Variants in CDH20 observed in about 807,000 individuals in gnomAD.
The protein encoded by CDH20 is cadherin-20.
In CDH20, 29 loss-of-function variants were observed where a neutral mutation model predicts 74.2. That is an observed-to-expected ratio of 0.39 (90% CI 0.29 to 0.53). The LOEUF is 0.53. CDH20 is among the 20% of genes least tolerant of loss of function. CDH20 has a pLI of 0.69. For missense variants in CDH20, 988 were observed against 1,048.3 expected, an observed-to-expected ratio of 0.94 and a Z score of 0.79; for synonymous variants, 469 against 405.4, an observed-to-expected ratio of 1.16 and a Z score of -1.88.
intron 1 of CDH20, among the ~76,000 whole-genome samples, chr18:61,416,121 T>C (rs1367166370): frequency 6.6e-6 from 1 of 152,172 alleles, no homozygotes; most frequent in South Asian, 2.1e-4. Context: ...TGGGCCTCTA[T>C]AGTAACTGCA....
chr18:61,391,810 T>A (rs539225643), intron 1 of CDH20: 3 of 151,706 alleles, frequency 2.0e-5, no homozygotes, highest in South Asian at 2.1e-4. Context: ...CAGGCAAAAA[T>A]TTTAAAAAAA....
At chr18:61,374,677 T>G (rs1911154730) in intron 1 of CDH20, among the ~76,000 whole-genome samples, 1 of 152,138 alleles carries the variant, frequency 6.6e-6, no homozygotes, top group South Asian at 2.1e-4. Flanking sequence ...TTCAGAGTTT[T>G]TAGATTCTTA....
intron 2 of CDH20, among the ~76,000 whole-genome samples, chr18:61,493,579 T>C (rs1911033974): frequency 6.6e-6 from 1 of 152,200 alleles, no homozygotes; most frequent in South Asian, 2.1e-4. Flanking sequence ...CATACCACGT[T>C]TGTCCCTGAC....
At position 61,555,123 on chromosome 18, in the gene CDH20, T is replaced by A. The variant is rs189799622; in HGVS notation, c.*428T>A. ...TTTTTATCTTATCTTATTCTCCATT[T>A]AAGAGTTTTGCTGGCTCAAACCACA... is the stretch of plus-strand genomic sequence containing the variant. On this transcript the variant is annotated 3_prime_UTR_variant, in exon 12 of 12. Coordinates refer to ENST00000262717, the MANE Select transcript of CDH20 (RefSeq NM_031891.4). 37 of 999,932 alleles carry A rather than the reference T, an allele frequency of 3.7e-5. No homozygotes were observed. The East Asian group carries it at 3.9e-3, about 106-fold the overall frequency. 61.9% of individuals were successfully genotyped at this position (999,932 alleles called of 1,614,324 possible).
At chr18:61,522,096 G>A (rs766935723) in intron 6 of CDH20, among the ~76,000 whole-genome samples, 1 of 152,154 alleles carries the variant, frequency 6.6e-6, no homozygotes, top group Non-Finnish European at 1.5e-5. Context: ...AAGAAATAAA[G>A]GGTATTTGAA....
At chr18:61,482,485 T>C (rs1217926061) in intron 1 of CDH20, among the ~76,000 whole-genome samples, 1 of 152,164 alleles carries the variant, frequency 6.6e-6, no homozygotes, top group African/African-American at 2.4e-5. Context: ...TTGGTTGAAG[T>C]TCTCCTTACC....
chr18:61,511,301 C>T (rs559021664), intron 6 of CDH20, among the ~76,000 whole-genome samples: 48 of 151,732 alleles, frequency 3.2e-4, no homozygotes, highest in Non-Finnish European at 6.2e-4. Flanking sequence ...GAGGTCAAGG[C>T]TGCAGTGAGC....
At chr18:61,544,511 A>G (rs889779301) in intron 9 of CDH20, among the ~76,000 whole-genome samples, 2 of 152,186 alleles carry the variant, frequency 1.3e-5, no homozygotes, top group African/African-American at 4.8e-5. Context: ...AGTTAAATGG[A>G]TGGGAAGCCA....
intron 1 of CDH20, among the ~76,000 whole-genome samples, chr18:61,484,721 T>A (rs1444107267): frequency 6.7e-6 from 1 of 149,660 alleles, no homozygotes; most frequent in Non-Finnish European, 1.5e-5. Flanking sequence ...TTTCTACCAA[T>A]TTTTTTTGCT....
chr18:61,430,744 G>T (rs753438427), intron 1 of CDH20, among the ~76,000 whole-genome samples: 77 of 151,894 alleles, frequency 5.1e-4, no homozygotes, highest in Non-Finnish European at 9.0e-4. Context: ...TTGGCCCTTG[G>T]GAGCTCTTCC....
Position 61,537,498 on chromosome 18 carries a change from ATGCTTTCAAAACATATT to A in CDH20, c.1408+870_1408+886del, listed in dbSNP as rs1367181072. Among the ~76,000 whole-genome samples, 4 of 152,244 alleles carry A rather than the reference ATGCTTTCAAAACATATT, an allele frequency of 2.6e-5. No homozygotes were observed. In the East Asian group the frequency reaches 7.7e-4, roughly 29 times the overall value. On this transcript the variant is annotated intron_variant, in intron 8 of 11. Transcript: ENST00000262717. ...ATAGTAAAATGACAATATAATACAG[ATGCTTTCAAAACATATT>A]CAATGACAAAGGATAACCTTACCCT...
intron 1 of CDH20, among the ~76,000 whole-genome samples, chr18:61,369,963 A>G (rs1166912819): frequency 6.6e-6 from 1 of 152,082 alleles, no homozygotes; most frequent in Non-Finnish European, 1.5e-5. Context: ...ACTAATGGGT[A>G]CCAGGCTTAA....
intron 1 of CDH20, among the ~76,000 whole-genome samples, chr18:61,400,331 G>A (rs1912116105): frequency 6.6e-6 from 1 of 152,194 alleles, no homozygotes; most frequent in Non-Finnish European, 1.5e-5. Flanking sequence ...ACAGAGCAAG[G>A]CAAAGTAGAT....
intron 9 of CDH20, among the ~76,000 whole-genome samples, chr18:61,541,654 A>G (rs1316843915): frequency 6.6e-6 from 1 of 152,136 alleles, no homozygotes; most frequent in African/African-American, 2.4e-5. Context: ...GCTCTGGGAA[A>G]TGTTTTGAAG....
At chr18:61,481,782 A>G (rs1488477161) in intron 1 of CDH20, among the ~76,000 whole-genome samples, 1 of 152,030 alleles carries the variant, frequency 6.6e-6, no homozygotes. Flanking sequence ...TCCTAGCCTC[A>G]AGCAATTCTC....
intron 7 of CDH20, among the ~76,000 whole-genome samples, chr18:61,533,322 A>G (rs1912713459): frequency 6.6e-6 from 1 of 152,108 alleles, no homozygotes; most frequent in South Asian, 2.1e-4. Context: ...AAGAAAGAAA[A>G]AAAAGTGACT....
At chr18:61,458,871 A>G (rs1425098920) in intron 1 of CDH20, among the ~76,000 whole-genome samples, 1 of 152,218 alleles carries the variant, frequency 6.6e-6, no homozygotes, top group Non-Finnish European at 1.5e-5. Context: ...TTTAAATCTC[A>G]TCCATGGGGA....
chr18:61,493,377 C>A (rs1466805167), intron 2 of CDH20, among the ~76,000 whole-genome samples: 1 of 152,162 alleles, frequency 6.6e-6, no homozygotes, highest in Non-Finnish European at 1.5e-5. Context: ...CAGCGCATTC[C>A]TCTCCCTGAA....
At chr18:61,545,992 T>C (rs112044904) in intron 10 of CDH20, among the ~76,000 whole-genome samples, 1 of 152,150 alleles carries the variant, frequency 6.6e-6, no homozygotes, top group East Asian at 1.9e-4. Flanking sequence ...GGAAGGACTT[T>C]TGTTCTGTAG....
Sources: allele counts gnomAD v4.1 joint callset (sites outside exome capture counted in the v4.1 genomes callset), GRCh38; gene constraint gnomAD v4.1.1; transcripts MANE v1.5; gene names NCBI Gene and HGNC (gene_info 2026-07-23, HGNC 2026-07-21).